The following ZNF181 variants were observed in gnomAD, a reference collection of about 807,000 sequenced individuals.
ZNF181 encodes the protein zinc finger protein 181.
In ZNF181, 8 loss-of-function variants were observed where a neutral mutation model predicts 11.9. The observed-to-expected ratio is 0.67, with a 90% CI of 0.39 to 1.21. The LOEUF is 1.21. Ranked by LOEUF, ZNF181 falls within the 50% of genes most tolerant of loss-of-function variation. ZNF181 has a pLI of 0.01. For synonymous variants in ZNF181, 202 were observed against 221.1 expected, an observed-to-expected ratio of 0.91 and a Z score of 0.77; for missense variants, 542 against 670.9, an observed-to-expected ratio of 0.81 and a Z score of 2.12.
At chr19:34,735,908 G>A (rs966116706) in intron 1 of ZNF181, among the ~76,000 whole-genome samples, 25 of 152,138 alleles carry the variant, frequency 1.6e-4, no homozygotes, top group African/African-American at 6.0e-4. Flanking sequence ...ATTTGCAATC[G>A]CAGTCACCTT....
chr19:34,740,330 C>T (rs138904922), intron 3 of ZNF181, among the ~76,000 whole-genome samples: 18 of 152,314 alleles, frequency 1.2e-4, no homozygotes, highest in African/African-American at 3.6e-4. Flanking sequence ...ATGCCTTCCA[C>T]ATTTTATTTC....
intron 3 of ZNF181, among the ~76,000 whole-genome samples, chr19:34,740,376 T>C (rs1568483941): frequency 6.6e-6 from 1 of 152,212 alleles, no homozygotes; most frequent in Non-Finnish European, 1.5e-5. Context: ...ATTTCATCCA[T>C]TACATATATT....
At position 34,744,950 on chromosome 19, in the gene ZNF181, C is replaced by T. The variant is rs1454640391; in HGVS notation, c.*2853C>T. On this transcript the variant is annotated 3_prime_UTR_variant, in exon 4 of 4. Coordinates refer to ENST00000492450, the MANE Select transcript of ZNF181 (RefSeq NM_001029997.4). ...GTCATTTAAAAAGCATGGGCATACA[C>T]ATGATAATGCTTTACGTTTCTGGAT... 1 of 152,196 alleles carries T rather than the reference C, an allele frequency of 6.6e-6. No individual in the cohort carries two copies. Among genetic ancestry groups the T allele is most frequent in the African/African-American group, 2.4e-5 (1 of 41,434 alleles). The allele number at this position is 152,196 out of a possible 1,614,324, so 9.4% of individuals were successfully genotyped here.
rs142712895 is a variant in ZNF181 at position 34,741,526 on chromosome 19, G to A, written c.1145G>A (p.Cys382Tyr). ...GAGAAGCCTTATGAATGTAGAGAAT[G>A]TGGGAAAGCTTTCTGCTGTAGCTCA... Reference protein sequence around the residue: ...TGEKPYECRECGKAFCCSSHL... With the variant: ...TGEKPYECREYGKAFCCSSHL... Residue 382 changes from cysteine (C) to tyrosine (Y), a missense_variant, in exon 4 of 4, where the codon TGT becomes TAT. Physicochemically the swap from Cys to Tyr is radical, Grantham distance 194 (BLOSUM62 -2). Coordinates refer to ENST00000492450, the MANE Select transcript of ZNF181 (RefSeq NM_001029997.4). 5.5e-5 allele frequency: 88 copies of A among 1,613,808 alleles called. No homozygotes were observed. Among genetic ancestry groups the A allele is most frequent in the Non-Finnish European group, 7.2e-5 (85 of 1,179,952 alleles).
At position 34,739,337 on chromosome 19, in the gene ZNF181, C is replaced by T. The variant is rs1055272483; in HGVS notation, c.130+69C>T. On this transcript the variant is annotated intron_variant, in intron 2 of 3. Transcript: ENST00000492450. ...TTTGCCACCCTGAATTGCTGGAGAC[C>T]CTCCTAAGTAAATGGCTGAATTTCT... 245 of 1,597,302 alleles carry T rather than the reference C, an allele frequency of 1.5e-4. 1 individual carries two copies. Among genetic ancestry groups the T allele is most frequent in the Non-Finnish European group, 2.0e-4 (232 of 1,171,428 alleles).
chr19:34,740,203 A>G (rs2068948604), intron 3 of ZNF181, among the ~76,000 whole-genome samples: 1 of 152,216 alleles, frequency 6.6e-6, no homozygotes, highest in African/African-American at 2.4e-5. Context: ...CTGTATTTTA[A>G]GCATGTTAAT....
At position 34,741,240 on chromosome 19, in the gene ZNF181, C is replaced by T. The variant is rs2068968585; in HGVS notation, c.859C>T (p.His287Tyr). The change falls in exon 4 of 4, where the codon CAT becomes TAT. Residue 287 changes from histidine (H) to tyrosine (Y), a missense_variant. By Grantham distance (83) the His-to-Tyr change is moderately conservative (BLOSUM62 2). Transcript: ENST00000492450. ...ATCCCTTACACGACATCTGATAAGC[C>T]ATAGTGGAGAGAAACCTTACAAATG... is the stretch of plus-strand genomic sequence containing the variant. Reference protein sequence around the residue: ...GSSLTRHLISHSGEKPYKCIE... With the variant: ...GSSLTRHLISYSGEKPYKCIE... 2.5e-6 allele frequency: 4 copies of T among 1,613,884 alleles called. No individual in the cohort carries two copies. Among genetic ancestry groups the T allele is most frequent in the African/African-American group, 2.7e-5 (2 of 74,902 alleles).
chr19:34,740,045 AAT>A (rs1417507054), intron 3 of ZNF181, among the ~76,000 whole-genome samples: 2 of 152,204 alleles, frequency 1.3e-5, no homozygotes, highest in Admixed American at 6.5e-5. Flanking sequence ...AACATATATA[AAT>A]ATGTTTCTAG....
Position 34,744,221 on chromosome 19 carries a change from T to C in ZNF181, c.*2124T>C, listed in dbSNP as rs999999963. On this transcript the variant is annotated 3_prime_UTR_variant, in exon 4 of 4. Transcript: ENST00000492450. ...GCCAAAGCACAGAGGCATATTCCAA[T>C]AGCAATTTGCAAGAGACAGTAGGTT... The C allele has an allele frequency of 2.0e-5, 3 of 152,236 alleles. No individual in the cohort carries two copies. Among genetic ancestry groups the C allele is most frequent in the African/African-American group, 7.2e-5 (3 of 41,472 alleles). The allele number at this position is 152,236 out of a possible 1,614,324, so 9.4% of individuals were successfully genotyped here.
rs1436059724 is a variant in ZNF181, at chr19:34,741,865, G to C, written c.1484G>C (p.Gly495Ala). 1.9e-6 allele frequency: 3 copies of C among 1,613,732 alleles called. No homozygotes were observed. The highest frequency in any genetic ancestry group is 2.5e-6 in the Non-Finnish European group (3 of 1,179,898). Residue 495 changes from glycine to alanine, a missense_variant, in exon 4 of 4, where the codon GGG (glycine) becomes GCG (alanine). By Grantham distance (60) the Gly-to-Ala change is moderately conservative (BLOSUM62 0). Transcript: ENST00000492450. Reference sequence around the variant, plus strand: ...AAACCTTATGAATGTATTAAATGTGGGAAGACCTTCAGCTGTAGTTCAAAC... The same window carrying C: ...AAACCTTATGAATGTATTAAATGTGCGAAGACCTTCAGCTGTAGTTCAAAC... ...GEKPYECIKC[G>A]KTFSCSSNLT...
chr19:34,739,039 A>G, intron 1 of ZNF181, 109 bp from the exon 2 acceptor site: 2 of 1,509,336 alleles, frequency 1.3e-6, no homozygotes, highest in East Asian at 2.3e-5. Context: ...CATTGCCACA[A>G]CTCCTGAATC....
Position 34,734,943 on chromosome 19 carries a change from C to A in ZNF181, c.-95C>A. ...AGATAAGCCTGATTTTTCATGACTG[C>A]TTTTTCCTGCCCTTCTGTGCCCTCA... On this transcript the variant is annotated 5_prime_UTR_variant, in exon 1 of 4. An upstream open reading frame in the 5' UTR gains an earlier in-frame stop. Coordinates refer to ENST00000492450, the MANE Select transcript of ZNF181 (RefSeq NM_001029997.4). The A allele has an allele frequency of 7.3e-7, 1 of 1,368,344 alleles. No individual in the cohort carries two copies. The highest frequency in any genetic ancestry group is 1.0e-6 in the Non-Finnish European group (1 of 997,774). 84.8% of individuals were successfully genotyped at this position (1,368,344 alleles called of 1,614,324 possible). A position where few individuals can be genotyped will look rare whatever the true frequency, so the allele number is the denominator to read the frequency against.
intron 1 of ZNF181, among the ~76,000 whole-genome samples, chr19:34,737,463 G>A (rs1041974680): frequency 6.6e-5 from 10 of 152,104 alleles, no homozygotes; most frequent in African/African-American, 2.2e-4. Context: ...TGTATTTTTT[G>A]TACATATTAT....
At chr19:34,739,487 A>T in intron 2 of ZNF181, 36 bp from the exon 3 acceptor site, 1 of 1,612,698 alleles carries the variant, frequency 6.2e-7, no homozygotes, top group Non-Finnish European at 8.5e-7. Context: ...ATAATAGAGG[A>T]CCACGGCTTA....
In ZNF181 at chr19:34,734,850, G is replaced by A. The variant is rs2068863644; in HGVS notation, c.-188G>A. 1 of 588,882 alleles carries A rather than the reference G, an allele frequency of 1.7e-6. No homozygotes were observed. The highest frequency in any genetic ancestry group is 3.0e-6 in the Non-Finnish European group (1 of 331,772). The allele number at this position is 588,882 out of a possible 1,614,324, so 36.5% of individuals were successfully genotyped here. A position where few individuals can be genotyped will look rare whatever the true frequency, so the allele number is the denominator to read the frequency against. On this transcript the variant is annotated 5_prime_UTR_variant, in exon 1 of 4. Coordinates refer to ENST00000492450, the MANE Select transcript of ZNF181 (RefSeq NM_001029997.4). ...GAGAAACACCCTGTTAGTTCCCAGG[G>A]AGAGATTGGCGCCCTGGAGAGTGAT... is the stretch of plus-strand genomic sequence containing the variant.
Position 34,740,946 on chromosome 19 carries a change from A to T in ZNF181, c.565A>T (p.Lys189Ter). The T allele has an allele frequency of 2.5e-6, 4 of 1,613,804 alleles. No individual in the cohort carries two copies. The highest frequency in any genetic ancestry group is 8.5e-7 in the Non-Finnish European group (1 of 1,179,880). The change falls in exon 4 of 4, where the codon AAG (lysine) becomes TAG (stop). Residue 189 changes from lysine (K) to a stop codon, truncating the protein, a stop_gained. Transcript: ENST00000492450. LOFTEE classifies it low-confidence loss of function (END_TRUNC). ...GAATTCACACAAATATGATATATTA[A>T]AGAAGAACTTACCAAAAAAGTCAGT... ...EGNSHKYDIL[K>*]KNLPKKSVIK...
chr19:34,735,630 A>T (rs2068876751), intron 1 of ZNF181, among the ~76,000 whole-genome samples: 1 of 152,176 alleles, frequency 6.6e-6, no homozygotes, highest in Non-Finnish European at 1.5e-5. Flanking sequence ...ATTGTTACAT[A>T]AATTCCTGTC....
chr19:34,742,100 C>T lies in ZNF181; in HGVS notation c.*3C>T. 1.3e-6 allele frequency: 2 copies of T among 1,535,418 alleles called. No homozygotes were observed. Among genetic ancestry groups the T allele is most frequent in the Non-Finnish European group, 1.7e-6 (2 of 1,144,480 alleles). ...CTTACAGAAGAGAAACTGTATGAAG[C>T]AGTGGTTATCATGGTAAATTTCCTA... On this transcript the variant is annotated 3_prime_UTR_variant, in exon 4 of 4. Coordinates refer to ENST00000492450, the MANE Select transcript of ZNF181 (RefSeq NM_001029997.4).
rs754870449 is a variant in ZNF181, at chr19:34,740,592, C to CT, written c.230-13dup. 1 of 1,526,110 alleles carries CT rather than the reference C, an allele frequency of 6.6e-7. No individual in the cohort carries two copies. The highest frequency in any genetic ancestry group is 8.8e-7 in the Non-Finnish European group (1 of 1,140,588). The allele number at this position is 1,526,110 out of a possible 1,614,324, so 94.5% of individuals were successfully genotyped here. ...TAAAAAAAAACAAAACAGTGCTTTGCTTTTTTGATGTATTTCAGATTGGGA... is the reference window on the plus strand; with the variant it reads ...TAAAAAAAAACAAAACAGTGCTTTGCTTTTTTTGATGTATTTCAGATTGGGA... On this transcript the variant is annotated intron_variant, in intron 3 of 3. Coordinates refer to ENST00000492450, the MANE Select transcript of ZNF181 (RefSeq NM_001029997.4).
Sources: gnomAD v4.1 joint callset for allele counts (sites outside exome capture counted in the v4.1 genomes callset) on GRCh38, gnomAD v4.1.1 for gene constraint, MANE v1.5 for transcripts, NCBI Gene and HGNC (gene_info 2026-07-23, HGNC 2026-07-21) for gene names.